CCNT2: variants seen among roughly 807,000 people sequenced by gnomAD.
CCNT2 encodes the protein cyclin-T2.
Under a neutral mutation model 70.0 loss-of-function variants are expected in CCNT2, and 18 were observed. The observed-to-expected ratio is 0.26, with a 90% CI of 0.18 to 0.38. CCNT2 has a LOEUF of 0.38. Ranked by LOEUF, CCNT2 falls within the 10% of genes least tolerant of loss-of-function variation. CCNT2 has a pLI of 1.00. For missense variants in CCNT2, 734 were observed against 890.2 expected, an observed-to-expected ratio of 0.82 and a Z score of 2.23; for synonymous variants, 334 against 313.3, an observed-to-expected ratio of 1.07 and a Z score of -0.70.
In CCNT2 at chr2:134,926,328, T is replaced by C. The variant is rs532779920; in HGVS notation, c.240+6437T>C. Among the ~76,000 whole-genome samples, 6 of 152,344 alleles carry C rather than the reference T, an allele frequency of 3.9e-5. No individual in the cohort carries two copies. The South Asian group carries it at 1.2e-3, about 32-fold the overall frequency. On this transcript the variant is annotated intron_variant, in intron 2 of 8. Coordinates refer to ENST00000264157, the MANE Select transcript of CCNT2 (RefSeq NM_058241.3). Reference sequence around the variant, plus strand: ...CACAGAGCTCCCTTTTCTGTTATTTTGTGTAATGTTCAGAAGTGTAGCAGC... The same window carrying C: ...CACAGAGCTCCCTTTTCTGTTATTTCGTGTAATGTTCAGAAGTGTAGCAGC...
chr2:134,956,861 G>A lies in CCNT2; in HGVS notation c.*2213G>A, dbSNP rs1411520753. 6.6e-6 allele frequency: 1 copy of A among 152,554 alleles called. No homozygotes were observed. Among genetic ancestry groups the A allele is most frequent in the East Asian group, 1.9e-4 (1 of 5,202 alleles). The allele number at this position is 152,554 out of a possible 1,614,324, so 9.5% of individuals were successfully genotyped here. A position where few individuals can be genotyped will look rare whatever the true frequency, so the allele number is the denominator to read the frequency against. ...TGAATCTTCATTGGTGCTAATGATG[G>A]ACAGTTAAAAAGATAGCTAGTGTAT... On this transcript the variant is annotated 3_prime_UTR_variant, in exon 9 of 9. Transcript: ENST00000264157.
At position 134,953,774 on chromosome 2, in the gene CCNT2, G is replaced by A; in HGVS notation, c.1319G>A (p.Arg440Lys). The change falls in exon 9 of 9, where the codon AGA (arginine) becomes AAA (lysine). Residue 440 changes from arginine to lysine, a missense_variant. By Grantham distance (26) the Arg-to-Lys change is conservative. Around this residue, in one of 3 missense-constraint regions of CCNT2, gnomAD observed 532 missense variants for 556.9 expected, o/e 0.96. Transcript: ENST00000264157. ...CAGAAAATGTCTTTAGATAAATATA[G>A]AGAAAAGCGTAAACTAGAAACTCTT... ...IPQKMSLDKY[R>K]EKRKLETLDL... 3.1e-6 allele frequency: 5 copies of A among 1,614,002 alleles called. No individual in the cohort carries two copies. The East Asian group carries it at 6.7e-5, about 22-fold the overall frequency.
At chr2:134,920,479 G>A (rs1204705353) in intron 2 of CCNT2, 3 of 152,164 alleles carry the variant, frequency 2.0e-5, no homozygotes, top group Non-Finnish European at 4.4e-5. Context: ...TCAGGAGTAT[G>A]TTTATGTATT....
Position 134,947,850 on chromosome 2 carries a change from G to A in CCNT2, c.654G>A (p.Lys218=), listed in dbSNP as rs147027297. 20 of 1,553,000 alleles carry A rather than the reference G, an allele frequency of 1.3e-5. No individual in the cohort carries two copies. The African/African-American group carries it at 1.8e-4, about 14-fold the overall frequency. ...NWEIPVSTDG[K]HWWEYVDPTV... ...AGATCCCTGTATCAACTGATGGAAA[G>A]CATTGGTGGGAATATGTGGATCCTA... The change falls in exon 7 of 9, where the codon AAG becomes AAA. Residue 218 remains lysine, a synonymous_variant. Transcript: ENST00000264157.
intron 4 of CCNT2, among the ~76,000 whole-genome samples, chr2:134,939,677 G>A (rs1271604772): frequency 1.3e-5 from 2 of 152,038 alleles, no homozygotes; most frequent in African/African-American, 4.8e-5. Context: ...TGTTGCCCAG[G>A]CTGGACATGA....
At chr2:134,937,173 T>C (rs1303491085) in intron 3 of CCNT2, among the ~76,000 whole-genome samples, 3 of 152,244 alleles carry the variant, frequency 2.0e-5, no homozygotes, top group East Asian at 1.9e-4. Flanking sequence ...TTCTGAATTA[T>C]AGAAGGCTTT....
Position 134,947,869 on chromosome 2 carries a change from G to A in CCNT2, c.673G>A (p.Asp225Asn). 1 of 1,526,132 alleles carries A rather than the reference G, an allele frequency of 6.6e-7. No individual in the cohort carries two copies. Among genetic ancestry groups the A allele is most frequent in the Non-Finnish European group, 8.9e-7 (1 of 1,120,558 alleles). The allele number at this position is 1,526,132 out of a possible 1,614,324, so 94.5% of individuals were successfully genotyped here. A position where few individuals can be genotyped will look rare whatever the true frequency, so the allele number is the denominator to read the frequency against. Residue 225 changes from aspartate (D) to asparagine (N), a missense_variant, in exon 7 of 9, where the codon GAT (aspartate) becomes AAT (asparagine). By Grantham distance (23) the Asp-to-Asn change is conservative. Coordinates refer to ENST00000264157, the MANE Select transcript of CCNT2 (RefSeq NM_058241.3). ...TDGKHWWEYV[D>N]PTVTLELLDE... is the part of the protein sequence containing the mutation. ...TGGAAAGCATTGGTGGGAATATGTG[G>A]ATCCTACAGTTACTCTAGAATTATT... is the stretch of plus-strand genomic sequence containing the variant.
rs1335938439 is a variant in CCNT2 at position 134,955,448 on chromosome 2, A to C, written c.*800A>C. 6.6e-6 allele frequency: 1 copy of C among 152,640 alleles called. No homozygotes were observed. Among genetic ancestry groups the C allele is most frequent in the East Asian group, 1.9e-4 (1 of 5,198 alleles). The allele number at this position is 152,640 out of a possible 1,614,324, so 9.5% of individuals were successfully genotyped here. A position where few individuals can be genotyped will look rare whatever the true frequency, so the allele number is the denominator to read the frequency against. On this transcript the variant is annotated 3_prime_UTR_variant, in exon 9 of 9. Coordinates refer to ENST00000264157, the MANE Select transcript of CCNT2 (RefSeq NM_058241.3). ...CTTTCTGAAGGCTTGAAGAGGAAAA[A>C]ATAAAGTTTACATACTCTTGATGTG...
intron 4 of CCNT2, among the ~76,000 whole-genome samples, chr2:134,940,441 CTA>C (rs1409864918): frequency 1.3e-5 from 2 of 152,024 alleles, no homozygotes; most frequent in African/African-American, 4.8e-5. Context: ...ATACATAAAT[CTA>C]TTTTTAAAAG....
rs1682977459 is a variant in CCNT2 at position 134,957,164 on chromosome 2, C to T, written c.*2516C>T. On this transcript the variant is annotated 3_prime_UTR_variant, in exon 9 of 9. Coordinates refer to ENST00000264157, the MANE Select transcript of CCNT2 (RefSeq NM_058241.3). ...TATAATTCATACTATCATGAATTTG[C>T]TTTATCCATCTCATTTGCATAACAG... is the stretch of plus-strand genomic sequence containing the variant. 1 of 152,134 alleles carries T rather than the reference C, an allele frequency of 6.6e-6. No individual in the cohort carries two copies. Among genetic ancestry groups the T allele is most frequent in the Non-Finnish European group, 1.5e-5 (1 of 68,000 alleles). 9.4% of individuals were successfully genotyped at this position (152,134 alleles called of 1,614,324 possible).
chr2:134,943,683 T>C (rs1681736417), intron 5 of CCNT2: 1 of 984,798 alleles, frequency 1.0e-6, no homozygotes, highest in Non-Finnish European at 1.2e-6. Context: ...GAATCCTATA[T>C]ATCTGTTGTA....
intron 7 of CCNT2, among the ~76,000 whole-genome samples, chr2:134,948,684 C>T (rs1682186364): frequency 6.6e-6 from 1 of 151,398 alleles, no homozygotes; most frequent in African/African-American, 2.4e-5. Flanking sequence ...GCATTTTAAC[C>T]ACGTACTGTA....
chr2:134,924,314 C>G (rs1165392491), intron 2 of CCNT2, among the ~76,000 whole-genome samples: 1 of 152,156 alleles, frequency 6.6e-6, no homozygotes, highest in African/African-American at 2.4e-5. Flanking sequence ...AACCACCAAA[C>G]AAATGTATAG....
chr2:134,937,034 A>C (rs1681203440), intron 3 of CCNT2, 65 bp downstream of exon 3: 18 of 1,201,152 alleles, frequency 1.5e-5, no homozygotes, highest in Non-Finnish European at 2.2e-5. Context: ...ATGTAGGCCT[A>C]ACAAAAATAC....
chr2:134,931,138 A>G (rs12472820), intron 2 of CCNT2, among the ~76,000 whole-genome samples: 34,903 of 150,706 alleles, frequency 0.23, 4,259 homozygotes, highest in East Asian at 0.4. Context: ...GATTTTTTGT[A>G]TTTTTAGTAG....
rs1266639787 is a variant in CCNT2 at position 134,958,931 on chromosome 2, AACTTC to A, written c.*4287_*4291del. ...AATTCTGTTCTCGTATAGGCAACTT[AACTTC>A]ACTGTGGAATCCATTTATCTCAAAG... On this transcript the variant is annotated 3_prime_UTR_variant, in exon 9 of 9. Coordinates refer to ENST00000264157, the MANE Select transcript of CCNT2 (RefSeq NM_058241.3). 1.2e-4 allele frequency: 18 copies of A among 152,194 alleles called. No homozygotes were observed. Among genetic ancestry groups the A allele is most frequent in the African/African-American group, 4.3e-4 (18 of 41,436 alleles). 9.4% of individuals were successfully genotyped at this position (152,194 alleles called of 1,614,324 possible).
intron 5 of CCNT2, chr2:134,944,875 G>C (rs1681837781): frequency 1.0e-6 from 1 of 985,018 alleles, no homozygotes; most frequent in Admixed American, 6.2e-5. Flanking sequence ...AACTGCTAAT[G>C]GCATTTTTTA....
At chr2:134,926,446 A>G (rs1054077505) in intron 2 of CCNT2, among the ~76,000 whole-genome samples, 2 of 152,042 alleles carry the variant, frequency 1.3e-5, no homozygotes, top group African/African-American at 4.8e-5. Context: ...TTTTCCTCCC[A>G]ATGGTTTCTC....
chr2:134,949,767 A>G (rs1234992163), intron 7 of CCNT2, among the ~76,000 whole-genome samples: 5 of 129,498 alleles, frequency 3.9e-5, no homozygotes, highest in Non-Finnish European at 7.8e-5. Context: ...TTTAATAGTC[A>G]CTAGATTAAG....
Sources: gnomAD v4.1 joint callset for allele counts (sites outside exome capture counted in the v4.1 genomes callset) on GRCh38, gnomAD v4.1.1 for gene constraint, gnomAD v4.1.1 regional missense constraint, MANE v1.5 for transcripts, NCBI Gene and HGNC (gene_info 2026-07-23, HGNC 2026-07-21) for gene names.